The following STAU2 variants were observed in gnomAD, a reference collection of about 807,000 sequenced individuals.
STAU2 encodes staufen double-stranded RNA binding protein 2, also known as double-stranded RNA-binding protein Staufen homolog 2.
In STAU2, 20 loss-of-function variants were observed where a neutral mutation model predicts 65.9. That is an observed-to-expected ratio of 0.30 (90% CI 0.21 to 0.44). The LOEUF (loss-of-function observed/expected upper bound fraction) is 0.44, where lower values mean the gene tolerates loss of function less well. Among genes scored for constraint, STAU2 ranks in the 20% least tolerant of loss-of-function variants. The pLI is 1.00. For synonymous variants in STAU2, 232 were observed against 233.9 expected, an observed-to-expected ratio of 0.99 and a Z score of 0.07; for missense variants, 558 against 683.9, an observed-to-expected ratio of 0.82 and a Z score of 2.05.
intron 13 of STAU2, among the ~76,000 whole-genome samples, chr8:73,480,666 T>C (rs1335878284): frequency 2.0e-5 from 3 of 152,132 alleles, no homozygotes; most frequent in Non-Finnish European, 2.9e-5. Context: ...GTAATGCCTG[T>C]GAGAGACTGT....
At chr8:73,586,337 T>C (rs1175843353) in intron 11 of STAU2, among the ~76,000 whole-genome samples, 2 of 152,132 alleles carry the variant, frequency 1.3e-5, no homozygotes, top group Admixed American at 1.3e-4. Context: ...GAAAGATTTG[T>C]CTGGAAGTCT....
intron 10 of STAU2, among the ~76,000 whole-genome samples, chr8:73,601,271 TCACAGGCTGAAAAGTTAGTAATA>T (rs1175818959): frequency 1.3e-5 from 2 of 152,210 alleles, no homozygotes; most frequent in African/African-American, 2.4e-5. Flanking sequence ...GTGATCTCAA[TCACAGGCTGAAAAGTTAGTAATA>T]CAGTGTGCTG....
intron 3 of STAU2, among the ~76,000 whole-genome samples, chr8:73,717,645 T>TGTTGTC (rs1464373221): frequency 2.0e-5 from 3 of 151,128 alleles, no homozygotes; most frequent in Non-Finnish European, 3.0e-5. Flanking sequence ...TTGTTGTTGT[T>TGTTGTC]GTTGTTGTTG....
chr8:73,669,201 T>C (rs368082721), intron 6 of STAU2: 38 of 665,564 alleles, frequency 5.7e-5, no homozygotes, highest in East Asian at 4.1e-4. Context: ...AAAGAGCTTT[T>C]CAGTTGAAAC....
chr8:73,677,518 T>C (rs1818105577), intron 5 of STAU2, among the ~76,000 whole-genome samples: 2 of 152,208 alleles, frequency 1.3e-5, no homozygotes, highest in South Asian at 2.1e-4. Context: ...TGAAATACTA[T>C]ACCATTAAAT....
At chr8:73,644,566 A>T (rs529711947) in intron 6 of STAU2, among the ~76,000 whole-genome samples, 59 of 152,304 alleles carry the variant, frequency 3.9e-4, no homozygotes, top group Non-Finnish European at 7.1e-4. Context: ...GGGAAAGTAA[A>T]TCTAAAGAAA....
chr8:73,429,531 C>T (rs549337838), intron 13 of STAU2, among the ~76,000 whole-genome samples: 3 of 144,118 alleles, frequency 2.1e-5, no homozygotes, highest in East Asian at 2.1e-4. Context: ...CTCCCAAGCT[C>T]GAGTGATTCT....
intron 13 of STAU2, among the ~76,000 whole-genome samples, chr8:73,539,337 G>T (rs1251498136): frequency 6.6e-6 from 1 of 152,162 alleles, no homozygotes; most frequent in Non-Finnish European, 1.5e-5. Context: ...GATAAAAACG[G>T]TGTTTAATGC....
intron 6 of STAU2, among the ~76,000 whole-genome samples, chr8:73,666,162 A>T (rs1817225801): frequency 6.6e-6 from 1 of 152,186 alleles, no homozygotes; most frequent in Admixed American, 6.5e-5. Flanking sequence ...GCTTTTTAAG[A>T]GGGTGTTACA....
chr8:73,554,891 A>G lies in STAU2; in HGVS notation c.1223-2572T>C, dbSNP rs1807606444. On this transcript the variant is annotated intron_variant, in intron 12 of 14. Transcript: ENST00000524300. Reference sequence around the variant, plus strand: ...ATATTTCATGAAGATCCCATGCTCCAGTTACACAGATATATCCAATACTCC... The same window carrying G: ...ATATTTCATGAAGATCCCATGCTCCGGTTACACAGATATATCCAATACTCC... 2.0e-5 allele frequency among the ~76,000 whole-genome samples: 3 copies of G among 152,194 alleles called. 1 individual carries two copies. Among genetic ancestry groups the G allele is most frequent in the African/African-American group, 7.2e-5 (3 of 41,450 alleles).
rs78111707 is a variant in STAU2 at position 73,589,380 on chromosome 8, G to A, written c.1161+5786C>T. ...TAAACCACTGCCAAAACACAGGGAAGTCAACAAAACAGGGCCCAGGGATGA... is the reference window on the plus strand; with the variant it reads ...TAAACCACTGCCAAAACACAGGGAAATCAACAAAACAGGGCCCAGGGATGA... On this transcript the variant is annotated intron_variant, in intron 11 of 14. Coordinates refer to ENST00000524300, the MANE Select transcript of STAU2 (RefSeq NM_001164380.2). Among the ~76,000 whole-genome samples, 541 of 152,270 alleles carry A rather than the reference G, an allele frequency of 3.6e-3. 4 individuals are homozygous for A. Among genetic ancestry groups the A allele is most frequent in the African/African-American group, 0.011 (461 of 41,546 alleles).
chr8:73,709,542 G>C (rs561390228), intron 3 of STAU2, among the ~76,000 whole-genome samples: 2 of 151,328 alleles, frequency 1.3e-5, no homozygotes, highest in Non-Finnish European at 2.9e-5. Context: ...CTTCTTGATC[G>C]TTTCATCTCA....
intron 10 of STAU2, among the ~76,000 whole-genome samples, chr8:73,602,286 A>G (rs1339215073): frequency 6.6e-6 from 1 of 152,208 alleles, no homozygotes; most frequent in East Asian, 1.9e-4. Context: ...AATATGAGAC[A>G]CTGTATTTGA....
chr8:73,525,962 A>T (rs1585933369), intron 13 of STAU2, among the ~76,000 whole-genome samples: 1 of 152,186 alleles, frequency 6.6e-6, no homozygotes, highest in East Asian at 1.9e-4. Flanking sequence ...AAGGAAACAT[A>T]ATACTCTTCT....
upstream of STAU2, chr8:73,746,887 C>CCCCGCCTCCGCCCGCCTCCG (rs1184036546): frequency 1.5e-5 from 17 of 1,152,476 alleles, no homozygotes; most frequent in Non-Finnish European, 1.8e-5. Context: ...GCTCCCCGCC[C>CCCCGCCTCCGCCCGCCTCCG]CCCGCCTCCG....
intron 12 of STAU2, among the ~76,000 whole-genome samples, chr8:73,567,746 C>T (rs1380851979): frequency 2.0e-5 from 3 of 151,956 alleles, no homozygotes; most frequent in Non-Finnish European, 2.9e-5. Flanking sequence ...GATGGAGTTT[C>T]ACCGTGTTGG....
In STAU2 at chr8:73,688,830, T is replaced by C; in HGVS notation, c.115-17A>G. On this transcript the variant is annotated splice_polypyrimidine_tract_variant and intron_variant, in intron 4 of 14. Coordinates refer to ENST00000524300, the MANE Select transcript of STAU2 (RefSeq NM_001164380.2). ...TGAGAACATCTTAGAAAAACATAAA[T>C]AGACAAAGAAAACATTAAGACTTTT... 3 of 1,607,842 alleles carry C rather than the reference T, an allele frequency of 1.9e-6. No homozygotes were observed. Among genetic ancestry groups the C allele is most frequent in the Non-Finnish European group, 2.5e-6 (3 of 1,177,142 alleles).
At chr8:73,607,843 G>A (rs997397073) in intron 9 of STAU2, among the ~76,000 whole-genome samples, 3 of 151,636 alleles carry the variant, frequency 2.0e-5, no homozygotes, top group Admixed American at 6.6e-5. Context: ...TATATCATAC[G>A]GTCAAAACTT....
At chr8:73,526,739 T>C (rs1425570253) in intron 13 of STAU2, among the ~76,000 whole-genome samples, 1 of 152,236 alleles carries the variant, frequency 6.6e-6, no homozygotes, top group Non-Finnish European at 1.5e-5. Flanking sequence ...AAAGTGATTA[T>C]TTTAATGAAA....
Sources: gnomAD v4.1 joint callset for allele counts (sites outside exome capture counted in the v4.1 genomes callset) on GRCh38, gnomAD v4.1.1 for gene constraint, MANE v1.5 for transcripts, NCBI Gene and HGNC (gene_info 2026-07-23, HGNC 2026-07-21) for gene names.